The following GGTLC2 variants were observed in gnomAD, a reference collection of about 807,000 sequenced individuals.
GGTLC2 encodes the protein gamma-glutamyltransferase light chain 2, also known as glutathione hydrolase light chain 2.
Under a neutral mutation model 20.2 loss-of-function variants are expected in GGTLC2, and 13 were observed. That is an observed-to-expected ratio of 0.64 (90% CI 0.42 to 1.02). The LOEUF is 1.02. Among genes scored for constraint, GGTLC2 ranks in the 50% least tolerant of loss-of-function variants. The pLI, the probability that GGTLC2 is intolerant of heterozygous loss-of-function variation, is 0.00. For synonymous variants in GGTLC2, 89 were observed against 125.5 expected (o/e 0.71, Z 1.94); for missense variants, 202 against 301.3 (o/e 0.67, Z 2.44).
chr22:22,645,135 G>A (rs1355481682), intron 1 of GGTLC2, among the ~76,000 whole-genome samples: 5 of 12,784 alleles, frequency 3.9e-4, no homozygotes, highest in Admixed American at 1.2e-3. Context: ...GTCATGATCC[G>A]CCCTCCCAAA....
At chr22:22,645,407 AT>A (rs761744370) in intron 1 of GGTLC2, among the ~76,000 whole-genome samples, 1,805 of 141,394 alleles carry the variant, frequency 0.013, 23 homozygotes, top group Middle Eastern at 0.019. Flanking sequence ...TTATTTATTT[AT>A]TTTTTTTATA....
intron 2 of GGTLC2, 80 bp downstream of exon 2, chr22:22,646,601 G>A: frequency 4.6e-6 from 6 of 1,296,832 alleles, no homozygotes; most frequent in Non-Finnish European, 6.4e-6. Context: ...CAGTAAGGTG[G>A]CTCCATCACC....
chr22:22,647,048 G>T lies in GGTLC2; in HGVS notation c.360+10G>T, dbSNP rs749022016. 1.9e-6 allele frequency: 3 copies of T among 1,611,526 alleles called. No individual in the cohort carries two copies. The highest frequency in any genetic ancestry group is 1.3e-5 in the African/African-American group (1 of 74,772). ...GGGCCAGGACGGCCAGGTCCGGATG[G>T]TGGTGGGAGCTGCTGGGGGCACACA... On this transcript the variant is annotated intron_variant, in intron 4 of 5. Coordinates refer to ENST00000448514, the MANE Select transcript of GGTLC2 (RefSeq NM_199127.3).
intron 1 of GGTLC2, 167 bp from the exon 2 acceptor site, chr22:22,646,145 T>G: frequency 3.0e-6 from 4 of 1,342,858 alleles, no homozygotes; most frequent in Non-Finnish European, 4.0e-6. Flanking sequence ...GTTGCTGGAA[T>G]GCGACAGAGA....
chr22:22,646,707 G>A (rs1346502784), intron 2 of GGTLC2, 47 bp from the exon 3 acceptor site: 39 of 1,598,720 alleles, frequency 2.4e-5, no homozygotes, highest in Non-Finnish European at 3.2e-5. Flanking sequence ...TAGGGACCAG[G>A]CTGGGCCAGG....
At chr22:22,644,856 G>GC (rs1265762296) in intron 1 of GGTLC2, 148 bp downstream of exon 1, 19 of 88,228 alleles carry the variant, frequency 2.2e-4, no homozygotes, top group East Asian at 7.4e-4. Context: ...TTGCACTCCA[G>GC]CCTGGGCAAC....
At position 22,644,882 on chromosome 22, in the gene GGTLC2, CTTTTTTTTTTTTT is replaced by C. The variant is rs1180593782; in HGVS notation, c.-35+188_-35+200del. ...CCTGGGCAACAGAGTCAGACTCTCT[CTTTTTTTTTTTTT>C]TTTTTTTTTTTTTGAGATGGAGTCT... On this transcript the variant is annotated intron_variant, in intron 1 of 5. Coordinates refer to ENST00000448514, the MANE Select transcript of GGTLC2 (RefSeq NM_199127.3). Among the ~76,000 whole-genome samples the C allele has an allele frequency of 6.2e-3, 200 of 32,368 alleles. 1 individual carries two copies. Among genetic ancestry groups the C allele is most frequent in the African/African-American group, 0.033 (136 of 4,130 alleles). The allele number at this position is 32,368 out of a possible 152,430, so 21.2% of individuals were successfully genotyped here.
intron 1 of GGTLC2, among the ~76,000 whole-genome samples, chr22:22,645,703 G>T (rs201779558): frequency 6.6e-6 from 1 of 150,946 alleles, no homozygotes; most frequent in Non-Finnish European, 1.5e-5. Flanking sequence ...AAAGCCAGTT[G>T]TTATGGGACC....
In GGTLC2 at chr22:22,645,498, GGTTTA is replaced by G. The variant is rs1316775696; in HGVS notation, c.-35+791_-35+795del. 1.1e-4 allele frequency among the ~76,000 whole-genome samples: 17 copies of G among 150,330 alleles called. No individual in the cohort carries two copies. The East Asian group carries it at 2.3e-3, about 20-fold the overall frequency. ...ATCCTCAAACCTGCCCCTTCTGCAG[GGTTTA>G]CCTCGCTAGTCGGCGCCATCCTTGA... On this transcript the variant is annotated intron_variant, in intron 1 of 5. Transcript: ENST00000448514.
rs1002772637 is a variant in GGTLC2, at chr22:22,646,148, G to A, written c.-34-164G>A. 180 of 1,387,702 alleles carry A rather than the reference G, an allele frequency of 1.3e-4. 5 individuals are homozygous for A. Among genetic ancestry groups the A allele is most frequent in the South Asian group, 1.6e-4 (11 of 67,638 alleles). The allele number at this position is 1,387,702 out of a possible 1,614,324, so 86.0% of individuals were successfully genotyped here. A position where few individuals can be genotyped will look rare whatever the true frequency, so the allele number is the denominator to read the frequency against. Reference sequence around the variant, plus strand: ...CAGACATTCAGAGTTGCTGGAATGCGACAGAGACAGGGAGTCAGACTGGTC... The same window carrying A: ...CAGACATTCAGAGTTGCTGGAATGCAACAGAGACAGGGAGTCAGACTGGTC... On this transcript the variant is annotated intron_variant, in intron 1 of 5. Coordinates refer to ENST00000448514, the MANE Select transcript of GGTLC2 (RefSeq NM_199127.3).
Position 22,646,992 on chromosome 22 carries a change from C to T in GGTLC2, c.314C>T (p.Pro105Leu), listed in dbSNP as rs370269377. 33 of 1,611,540 alleles carry T rather than the reference C, an allele frequency of 2.0e-5. No homozygotes were observed. In the African/African-American group the frequency reaches 3.2e-4, roughly 16 times the overall value. ...PANFIQPGKQPLSSMCPTIMV... is the reference protein window; with the variant it reads ...PANFIQPGKQLLSSMCPTIMV... ...CTCCCATCGGCCACAGGGAAGCAGC[C>T]GCTCTCGTCAATGTGCCCGACGATC... The change falls in exon 4 of 6, where the codon CCG becomes CTG. Residue 105 changes from proline (P) to leucine (L), a missense_variant. Transcript: ENST00000448514.
At chr22:22,645,794 G>A (rs5751464) in intron 1 of GGTLC2, among the ~76,000 whole-genome samples, 7,949 of 148,346 alleles carry the variant, frequency 0.054, 122 homozygotes, top group East Asian at 0.1. Flanking sequence ...TCTGCCTATC[G>A]CTCACCAGCC....
intron 1 of GGTLC2, 103 bp from the exon 2 acceptor site, chr22:22,646,209 A>G (rs1280212329): frequency 1.4e-6 from 2 of 1,391,380 alleles, no homozygotes; most frequent in African/African-American, 2.9e-5. Context: ...GGTCCTGGGG[A>G]GCCACGGAAG....
At chr22:22,646,024 C>T (rs889272340) in intron 1 of GGTLC2, 1 of 771,252 alleles carries the variant, frequency 1.3e-6, no homozygotes, top group African/African-American at 1.8e-5. Flanking sequence ...TGTTGATTCC[C>T]CAGTTCCAGG....
At chr22:22,647,318 C>G (rs1403613344) in intron 5 of GGTLC2, 28 bp downstream of exon 5, 1 of 1,607,416 alleles carries the variant, frequency 6.2e-7, no homozygotes, top group South Asian at 1.1e-5. Flanking sequence ...GAAACTGAGT[C>G]ACGGTGTGGG....
Position 22,647,704 on chromosome 22 carries a change from C to A in GGTLC2, c.620C>A (p.Ser207Ter). 2 of 1,601,208 alleles carry A rather than the reference C, an allele frequency of 1.2e-6. No homozygotes were observed. The highest frequency in any genetic ancestry group is 1.7e-6 in the Non-Finnish European group (2 of 1,174,678). ...ACGGCTGGTGGCTGGGCAGCTGCCT[C>A]GGACTCCAGGAAAGGCGGGGAGCCT... ...VRTAGGWAAA[S>*]DSRKGGEPAG... The change falls in exon 6 of 6, where the codon TCG (serine) becomes TAG (stop). Residue 207 changes from serine (S) to a stop codon, truncating the protein, a stop_gained. Coordinates refer to ENST00000448514, the MANE Select transcript of GGTLC2 (RefSeq NM_199127.3). LOFTEE classifies it high-confidence loss of function.
rs2330126 is a variant in GGTLC2 at position 22,646,800 on chromosome 22, G to A, written c.223G>A (p.Asp75Asn). 0.17 allele frequency: 257,908 copies of A among 1,513,168 alleles called. 30,649 individuals carry two copies. Among genetic ancestry groups the A allele is most frequent in the South Asian group, 0.25 (21,623 of 85,586 alleles). 93.7% of individuals were successfully genotyped at this position (1,513,168 alleles called of 1,614,324 possible). A position where few individuals can be genotyped will look rare whatever the true frequency, so the allele number is the denominator to read the frequency against. ...RSPVSEILFN[D>N]EMDDFSSPNI... is the part of the protein sequence containing the mutation. ...CCCGGTCAGCGAGATCCTGTTCAAT[G>A]ATGAAATGGATGACTTCAGCTCTCC... The change falls in exon 3 of 6, where the codon GAT (aspartate) becomes AAT (asparagine). Residue 75 changes from aspartate (D) to asparagine (N), a missense_variant. Physicochemically the swap from Asp to Asn is conservative, Grantham distance 23. Around this residue, in one of 4 missense-constraint regions of GGTLC2, gnomAD observed 71 missense variants for 63.0 expected, o/e 1.13. Transcript: ENST00000448514.
intron 1 of GGTLC2, among the ~76,000 whole-genome samples, chr22:22,645,923 T>G (rs914606747): frequency 6.6e-6 from 1 of 151,386 alleles, no homozygotes; most frequent in African/African-American, 2.4e-5. Context: ...TCATGCCTCT[T>G]GATTCCCCTT....
chr22:22,646,329 G>A lies in GGTLC2; in HGVS notation c.-17G>A, dbSNP rs201381870. The A allele has an allele frequency of 9.5e-3, 12,535 of 1,325,220 alleles. 997 individuals are homozygous for A. The African/African-American group carries it at 0.15, about 16-fold the overall frequency. 82.1% of individuals were successfully genotyped at this position (1,325,220 alleles called of 1,614,324 possible). On this transcript the variant is annotated 5_prime_UTR_variant, in exon 2 of 6. Transcript: ENST00000448514. ...CTCCTCAGGCCAGCTCTGGGGTCTC[G>A]GCAGGTGGTCCACAACATGACCTCT...
Sources: gnomAD v4.1 joint callset for allele counts (sites outside exome capture counted in the v4.1 genomes callset) on GRCh38, gnomAD v4.1.1 for gene constraint, gnomAD v4.1.1 regional missense constraint, MANE v1.5 for transcripts, NCBI Gene and HGNC (gene_info 2026-07-23, HGNC 2026-07-21) for gene names.